DOCK4: variants seen among roughly 807,000 people sequenced by gnomAD.
The protein encoded by DOCK4 is dedicator of cytokinesis protein 4.
Under a neutral mutation model 268.1 loss-of-function variants are expected in DOCK4, and 97 were observed. The observed-to-expected ratio is 0.36, with a 90% CI of 0.31 to 0.43. DOCK4 has a LOEUF of 0.43. Among genes scored for constraint, DOCK4 ranks in the 20% least tolerant of loss-of-function variants. DOCK4 has a pLI of 1.00. For missense variants in DOCK4, 2,145 were observed against 2,455.7 expected (o/e 0.87, Z 2.67); for synonymous variants, 954 against 887.2 (o/e 1.08, Z -1.34).
At chr7:111,978,098 A>G (rs181813981) in intron 7 of DOCK4, among the ~76,000 whole-genome samples, 2 of 152,354 alleles carry the variant, frequency 1.3e-5, no homozygotes, top group Non-Finnish European at 2.9e-5. Flanking sequence ...TGGGAACACA[A>G]TGATGAGTAA....
intron 26 of DOCK4, among the ~76,000 whole-genome samples, chr7:111,829,816 T>C (rs2134004346): frequency 6.6e-6 from 1 of 152,302 alleles, no homozygotes; most frequent in East Asian, 1.9e-4. Context: ...AAACCCAAAA[T>C]TACTCTAAAA....
chr7:112,026,744 A>G (rs1563007306), intron 1 of DOCK4, among the ~76,000 whole-genome samples: 1 of 152,194 alleles, frequency 6.6e-6, no homozygotes, highest in Non-Finnish European at 1.5e-5. Context: ...TGTGGTCGGA[A>G]CAGAGATTAT....
chr7:111,991,835 G>C (rs1799556065), intron 5 of DOCK4, among the ~76,000 whole-genome samples: 1 of 151,686 alleles, frequency 6.6e-6, no homozygotes, highest in South Asian at 2.1e-4. Flanking sequence ...GATGGTGGTA[G>C]CTGTAGTCCC....
At chr7:112,076,959 G>C (rs545385193) in intron 1 of DOCK4, among the ~76,000 whole-genome samples, 15 of 136,702 alleles carry the variant, frequency 1.1e-4, no homozygotes, top group African/African-American at 4.5e-4. Context: ...TCCTGCAAGA[G>C]ACTTGTTACA....
intron 1 of DOCK4, among the ~76,000 whole-genome samples, chr7:112,159,235 G>T (rs1816876007): frequency 6.6e-6 from 1 of 151,986 alleles, no homozygotes; most frequent in Non-Finnish European, 1.5e-5. Flanking sequence ...GACTGGCGCT[G>T]CCTTTCTTCC....
At chr7:112,192,659 T>C (rs951114303) in intron 1 of DOCK4, among the ~76,000 whole-genome samples, 2 of 152,214 alleles carry the variant, frequency 1.3e-5, no homozygotes, top group African/African-American at 4.8e-5. Context: ...AACATCTATC[T>C]TGAAGAAATG....
At chr7:111,973,187 A>ATATATATATATATG (rs1263648543) in intron 8 of DOCK4, among the ~76,000 whole-genome samples, 1 of 133,056 alleles carries the variant, frequency 7.5e-6, no homozygotes, top group Non-Finnish European at 1.6e-5. Context: ...ATATATATAT[A>ATATATATATATATG]ATATTTTCTT....
At chr7:111,839,613 T>G (rs1225024019) in intron 25 of DOCK4, among the ~76,000 whole-genome samples, 1 of 152,226 alleles carries the variant, frequency 6.6e-6, no homozygotes, top group Non-Finnish European at 1.5e-5. Context: ...TTGCAATAAC[T>G]TATAATCATG....
intron 1 of DOCK4, among the ~76,000 whole-genome samples, chr7:112,116,513 C>T (rs893314928): frequency 2.0e-5 from 3 of 152,112 alleles, no homozygotes; most frequent in African/African-American, 7.2e-5. Flanking sequence ...CCATTTTCCG[C>T]CACAAAGAAC....
intron 1 of DOCK4, among the ~76,000 whole-genome samples, chr7:112,017,696 C>T (rs1801929396): frequency 6.6e-6 from 1 of 152,154 alleles, no homozygotes; most frequent in South Asian, 2.1e-4. Flanking sequence ...TTTCCCTTTT[C>T]CCCAAGGGAA....
chr7:111,936,157 GTCCAGAA>G (rs1285498001), intron 11 of DOCK4, among the ~76,000 whole-genome samples: 1 of 152,156 alleles, frequency 6.6e-6, no homozygotes, highest in East Asian at 1.9e-4. Context: ...GACCAGGTTT[GTCCAGAA>G]TCAAAATGCA....
At chr7:112,159,521 A>C (rs755663548) in intron 1 of DOCK4, among the ~76,000 whole-genome samples, 1 of 152,158 alleles carries the variant, frequency 6.6e-6, no homozygotes, top group Non-Finnish European at 1.5e-5. Context: ...AACTACAGAC[A>C]AACGGCCCTA....
chr7:111,968,709 G>T (rs1184944229), intron 8 of DOCK4, among the ~76,000 whole-genome samples: 1 of 122,016 alleles, frequency 8.2e-6, no homozygotes, highest in East Asian at 2.7e-4. Context: ...CGCATTACTG[G>T]GTATATACCC....
At chr7:112,049,890 T>C (rs1008810598) in intron 1 of DOCK4, among the ~76,000 whole-genome samples, 1 of 152,180 alleles carries the variant, frequency 6.6e-6, no homozygotes, top group Non-Finnish European at 1.5e-5. Context: ...AGGTTTGGTA[T>C]TTGGAGACTT....
intron 1 of DOCK4, among the ~76,000 whole-genome samples, chr7:112,166,405 C>T (rs781147448): frequency 1.1e-4 from 17 of 150,834 alleles, no homozygotes; most frequent in South Asian, 4.1e-4. Flanking sequence ...GCATATCCAC[C>T]GCCTCCAAAA....
chr7:111,788,696 C>A lies in DOCK4; in HGVS notation c.3367G>T (p.Gly1123Cys). 1.3e-6 allele frequency: 2 copies of A among 1,593,302 alleles called. No homozygotes were observed. The highest frequency in any genetic ancestry group is 8.6e-7 in the Non-Finnish European group (1 of 1,168,558). ...AAGAGCTCGCGGTATGTTTCGTCAC[C>A]TTTGCCTTCTGACATCAGGCTATCC... Reference protein sequence around the residue: ...KLDSLMSEGKGDETYRELFNS... With the variant: ...KLDSLMSEGKCDETYRELFNS... Residue 1123 changes from glycine to cysteine, a missense_variant, in exon 32 of 53, where the codon GGT becomes TGT. Physicochemically the swap from Gly to Cys is radical, Grantham distance 159 (BLOSUM62 -3). Coordinates refer to ENST00000428084, the MANE Select transcript of DOCK4 (RefSeq NM_001363540.2).
chr7:112,021,416 C>T (rs375291831), intron 1 of DOCK4, among the ~76,000 whole-genome samples: 1 of 152,092 alleles, frequency 6.6e-6, no homozygotes, highest in South Asian at 2.1e-4. Context: ...GAAAACAATA[C>T]CTATTTATCC....
In DOCK4 at chr7:111,849,883, A is replaced by G. The variant is rs185497969; in HGVS notation, c.2474-2757T>C. Among the ~76,000 whole-genome samples, 91 of 152,198 alleles carry G rather than the reference A, an allele frequency of 6.0e-4. 1 individual carries two copies. Among genetic ancestry groups the G allele is most frequent in the Non-Finnish European group, 1.0e-3 (71 of 68,014 alleles). On this transcript the variant is annotated intron_variant, in intron 23 of 52. Transcript: ENST00000428084. ...TATTTTCGATTCCTGATCCTTTCTG[A>G]AGCCTACCTGAGTCTTCTGAGGTTC...
chr7:111,924,707 C>T (rs1419294809), intron 12 of DOCK4, among the ~76,000 whole-genome samples: 1 of 152,106 alleles, frequency 6.6e-6, no homozygotes, highest in East Asian at 1.9e-4. Context: ...TTGCTTAAGG[C>T]CAGTTCAAGA....
Sources: allele counts gnomAD v4.1 joint callset (sites outside exome capture counted in the v4.1 genomes callset), GRCh38; gene constraint gnomAD v4.1.1; transcripts MANE v1.5; gene names NCBI Gene and HGNC (gene_info 2026-07-23, HGNC 2026-07-21).